Variants in ZFR2 observed in about 807,000 individuals in gnomAD.
The protein encoded by ZFR2 is zinc finger RNA binding protein 2.
Under a neutral mutation model 105.7 loss-of-function variants are expected in ZFR2, and 104 were observed. The ratio of observed to expected loss-of-function variants is 0.98; its 90% confidence interval spans 0.84 to 1.16. The LOEUF (loss-of-function observed/expected upper bound fraction) is 1.16, where lower values mean the gene tolerates loss of function less well. Among genes scored for constraint, ZFR2 ranks in the 50% most tolerant of loss-of-function variants. The pLI is 0.00. For synonymous variants in ZFR2, 634 were observed against 597.7 expected, an observed-to-expected ratio of 1.06 and a Z score of -0.89; for missense variants, 1,425 against 1,355.5, an observed-to-expected ratio of 1.05 and a Z score of -0.80.
chr19:3,840,669 C>T (rs2038125383), intron 1 of ZFR2, among the ~76,000 whole-genome samples: 1 of 152,024 alleles, frequency 6.6e-6, no homozygotes, highest in Non-Finnish European at 1.5e-5. Context: ...AAGCTGGGAC[C>T]ACAGGCATGC....
intron 1 of ZFR2, among the ~76,000 whole-genome samples, chr19:3,862,076 A>G (rs751849968): frequency 5.9e-5 from 9 of 152,174 alleles, no homozygotes; most frequent in Non-Finnish European, 1.0e-4. Context: ...AAGAACACCA[A>G]TATTCATTAC....
chr19:3,860,941 C>G (rs755747326), intron 1 of ZFR2, among the ~76,000 whole-genome samples: 1 of 152,120 alleles, frequency 6.6e-6, no homozygotes, highest in East Asian at 1.9e-4. Context: ...CAACCACAAC[C>G]GGCCTCGAAC....
intron 1 of ZFR2, among the ~76,000 whole-genome samples, chr19:3,854,594 A>T (rs191339355): frequency 6.6e-6 from 1 of 152,098 alleles, no homozygotes; most frequent in Non-Finnish European, 1.5e-5. Context: ...GAGAGAAACC[A>T]CTCAGAGGCT....
chr19:3,817,755 C>CA lies in ZFR2; in HGVS notation c.1932-911dup, dbSNP rs1314161355. On this transcript the variant is annotated intron_variant, in intron 12 of 18. Coordinates refer to ENST00000262961, the MANE Select transcript of ZFR2 (RefSeq NM_015174.2). ...TGGGCAACAGAGCAAGACTCAGTCT[C>CA]AAAAAAGAAAAAAAAAAAAAAAAAA... is the stretch of plus-strand genomic sequence containing the variant. Among the ~76,000 whole-genome samples, 161 of 64,186 alleles carry CA rather than the reference C, an allele frequency of 2.5e-3. 24 individuals are homozygous for CA. Among genetic ancestry groups the CA allele is most frequent in the African/African-American group, 6.4e-3 (96 of 15,054 alleles). The allele number at this position is 64,186 out of a possible 152,430, so 42.1% of individuals were successfully genotyped here.
rs755321349 is a variant in ZFR2, at chr19:3,807,261, C to T, written c.2554G>A (p.Gly852Arg). The T allele has an allele frequency of 5.1e-6, 8 of 1,555,766 alleles. No homozygotes were observed. Among genetic ancestry groups the T allele is most frequent in the African/African-American group, 4.1e-5 (3 of 73,302 alleles). ...TCTCTCTCGCAGGGATCCTGGAGCC[C>T]GGGCCCGTCTTTGTGACGGGGAGTG... ...ATGTLLTDGPGLQDPCERDQT... is the reference protein window; with the variant it reads ...ATGTLLTDGPRLQDPCERDQT... Residue 852 changes from glycine to arginine, a missense_variant, in exon 18 of 19, where the codon GGG becomes AGG. By Grantham distance (125) the Gly-to-Arg change is moderately radical. Coordinates refer to ENST00000262961, the MANE Select transcript of ZFR2 (RefSeq NM_015174.2).
At chr19:3,859,370 C>T (rs1225532343) in intron 1 of ZFR2, among the ~76,000 whole-genome samples, 4 of 152,196 alleles carry the variant, frequency 2.6e-5, no homozygotes, top group African/African-American at 9.7e-5. Flanking sequence ...GACTGATCCA[C>T]CCCTGGCTTC....
chr19:3,830,007 A>G (rs2037993408), intron 5 of ZFR2, among the ~76,000 whole-genome samples: 1 of 152,136 alleles, frequency 6.6e-6, no homozygotes, highest in Non-Finnish European at 1.5e-5. Flanking sequence ...TAAGGATTAA[A>G]TAACCCACAC....
intron 1 of ZFR2, chr19:3,852,212 A>T (rs546468797): frequency 2.0e-6 from 1 of 492,102 alleles, no homozygotes; most frequent in South Asian, 2.2e-5. Flanking sequence ...GCTGGGTGGC[A>T]ATCCTGGCAG....
Position 3,841,006 on chromosome 19 carries a change from G to C in ZFR2, c.54-6023C>G, listed in dbSNP as rs1451850810. Among the ~76,000 whole-genome samples the C allele has an allele frequency of 3.9e-5, 6 of 152,334 alleles. No individual in the cohort carries two copies. In the East Asian group the frequency reaches 1.2e-3, roughly 29 times the overall value. On this transcript the variant is annotated intron_variant, in intron 1 of 18. Coordinates refer to ENST00000262961, the MANE Select transcript of ZFR2 (RefSeq NM_015174.2). ...CACATACACACACACATGTGCATGA[G>C]TGAAGAAGCACATGGTGACTCGGTG...
At chr19:3,853,059 T>C (rs1230956927) in intron 1 of ZFR2, among the ~76,000 whole-genome samples, 2 of 151,960 alleles carry the variant, frequency 1.3e-5, no homozygotes, top group East Asian at 3.9e-4. Flanking sequence ...AGCCCAGGAG[T>C]TGGAGACCAG....
In ZFR2 at chr19:3,827,537, C is replaced by T; in HGVS notation, c.969G>A (p.Leu323=). ...RGVQAQLHCD[L]CAVSCTGADA... The stretch of plus-strand genomic sequence containing the variant: ...CCGCCCCGGTGCAGGACACGGCGCA[C>T]AGGTCGCAATGCAGCTGCGCCTGCA... Residue 323 remains leucine, a synonymous_variant, in exon 6 of 19, where the codon CTG becomes CTA. Coordinates refer to ENST00000262961, the MANE Select transcript of ZFR2 (RefSeq NM_015174.2). The T allele has an allele frequency of 6.4e-7, 1 of 1,561,380 alleles. No individual in the cohort carries two copies. Among genetic ancestry groups the T allele is most frequent in the Non-Finnish European group, 8.7e-7 (1 of 1,153,470 alleles).
chr19:3,863,194 C>T (rs1351899383), intron 1 of ZFR2, among the ~76,000 whole-genome samples: 15 of 152,186 alleles, frequency 9.9e-5, no homozygotes, highest in Admixed American at 5.9e-4. Context: ...GTTCTGAAGC[C>T]GGTTGCAGCC....
rs775122831 is a variant in ZFR2, at chr19:3,858,397, T to C, written c.53+10568A>G. 6.6e-6 allele frequency among the ~76,000 whole-genome samples: 1 copy of C among 152,158 alleles called. No individual in the cohort carries two copies. Among genetic ancestry groups the C allele is most frequent in the Non-Finnish European group, 1.5e-5 (1 of 68,036 alleles). ...ATGCTAATTTCTGCTGAACACTGCA[T>C]TGAATAACTCAATGGGAACACACAC... On this transcript the variant is annotated intron_variant, in intron 1 of 18. Transcript: ENST00000262961. The surrounding 1 kb of genome is among the most constrained non-coding windows in gnomAD (Gnocchi z 4.3).
In ZFR2 at chr19:3,805,917, G is replaced by A. The variant is rs2037690582; in HGVS notation, c.*32C>T. 1 of 1,504,358 alleles carries A rather than the reference G, an allele frequency of 6.6e-7. No individual in the cohort carries two copies. The highest frequency in any genetic ancestry group is 8.8e-7 in the Non-Finnish European group (1 of 1,131,328). The allele number at this position is 1,504,358 out of a possible 1,614,324, so 93.2% of individuals were successfully genotyped here. A position where few individuals can be genotyped will look rare whatever the true frequency, so the allele number is the denominator to read the frequency against. On this transcript the variant is annotated 3_prime_UTR_variant, in exon 19 of 19. Coordinates refer to ENST00000262961, the MANE Select transcript of ZFR2 (RefSeq NM_015174.2). Reference sequence around the variant, plus strand: ...CGCACACGTCCAGGAGTGCAGGGATGCAAAGGCCCGCAGGTGGGGGAGGTA... The same window carrying A: ...CGCACACGTCCAGGAGTGCAGGGATACAAAGGCCCGCAGGTGGGGGAGGTA...
intron 1 of ZFR2, among the ~76,000 whole-genome samples, chr19:3,854,385 T>C (rs2038274616): frequency 8.7e-6 from 1 of 115,420 alleles, no homozygotes; most frequent in African/African-American, 3.1e-5. Flanking sequence ...AGAGCGAGAC[T>C]GTCTAAAAAA....
chr19:3,805,619 G>T lies in ZFR2; in HGVS notation c.*330C>A. 4.2e-6 allele frequency: 1 copy of T among 236,312 alleles called. No homozygotes were observed. 14.6% of individuals were successfully genotyped at this position (236,312 alleles called of 1,614,324 possible). A position where few individuals can be genotyped will look rare whatever the true frequency, so the allele number is the denominator to read the frequency against. On this transcript the variant is annotated 3_prime_UTR_variant, in exon 19 of 19. Transcript: ENST00000262961. Reference sequence around the variant, plus strand: ...GCCCACCTCGGCCTCTCAAAGTGCTGGGATTACAGGCGTGAATCACCGCGC... The same window carrying T: ...GCCCACCTCGGCCTCTCAAAGTGCTTGGATTACAGGCGTGAATCACCGCGC...
intron 7 of ZFR2, among the ~76,000 whole-genome samples, chr19:3,824,257 AC>A (rs1244203940): frequency 2.0e-5 from 3 of 152,102 alleles, no homozygotes; most frequent in African/African-American, 7.2e-5. Flanking sequence ...CTATGATTGC[AC>A]CTCTGCACTC....
intron 15 of ZFR2, 121 bp from the exon 16 acceptor site, chr19:3,810,966 G>A (rs2037757281): frequency 1.8e-6 from 2 of 1,127,060 alleles, no homozygotes; most frequent in African/African-American, 1.6e-5. Flanking sequence ...GGGCCTCGAA[G>A]GTGGCGGGTG....
rs943786800 is a variant in ZFR2, at chr19:3,845,089, C to T, written c.54-10106G>A. ...GGCCGGTCCCTCTGTGGCTTGCAGA[C>T]GGCAGTCTTTGCCCTGTGTCCTCAC... On this transcript the variant is annotated intron_variant, in intron 1 of 18. Transcript: ENST00000262961. 1.1e-4 allele frequency among the ~76,000 whole-genome samples: 16 copies of T among 152,170 alleles called. No individual in the cohort carries two copies. The South Asian group carries it at 1.9e-3, about 18-fold the overall frequency.
Sources: allele counts gnomAD v4.1 joint callset (sites outside exome capture counted in the v4.1 genomes callset), GRCh38; gene constraint gnomAD v4.1.1; non-coding constraint Gnocchi (gnomAD v3.1); transcripts MANE v1.5; gene names NCBI Gene and HGNC (gene_info 2026-07-23, HGNC 2026-07-21).